Variants in TMEM230 observed in about 807,000 individuals in gnomAD.
TMEM230 encodes the protein UPF0414 transmembrane protein C20orf30.
In TMEM230, 10 loss-of-function variants were observed where a neutral mutation model predicts 15.8. That is an observed-to-expected ratio of 0.63 (90% CI 0.39 to 1.07). TMEM230 has a LOEUF of 1.07. Among genes scored for constraint, TMEM230 ranks in the 50% least tolerant of loss-of-function variants. TMEM230 has a pLI of 0.01. For missense variants in TMEM230, 165 were observed against 193.3 expected (o/e 0.85, Z 0.87); for synonymous variants, 67 against 76.9 (o/e 0.87, Z 0.68).
At chr20:5,106,426 G>T in intron 3 of TMEM230, 116 bp from the exon 3 acceptor site, 2 of 1,298,974 alleles carry the variant, frequency 1.5e-6, no homozygotes, top group East Asian at 2.7e-5. Flanking sequence ...GTTTTGAGAT[G>T]GAGTTTCGTT....
At chr20:5,064,684 T>C (rs937474941), downstream of TMEM230, among the ~76,000 whole-genome samples, 2 of 151,558 alleles carry the variant, frequency 1.3e-5, no homozygotes, top group African/African-American at 2.4e-5. Flanking sequence ...TTACTAAAGA[T>C]GAAAACAAAA....
At chr20:5,101,110 T>C (rs1234534665) in intron 4 of TMEM230, among the ~76,000 whole-genome samples, 179 bp from the exon 4 acceptor site, 1 of 152,170 alleles carries the variant, frequency 6.6e-6, no homozygotes, top group Non-Finnish European at 1.5e-5. Context: ...AACTACAAAA[T>C]ATTAACAATT....
At chr20:5,098,718 A>G (rs2089739335), downstream of TMEM230, among the ~76,000 whole-genome samples, 1 of 152,152 alleles carries the variant, frequency 6.6e-6, no homozygotes, top group African/African-American at 2.4e-5. Context: ...TACTAAATGC[A>G]TAGTATGAAA....
chr20:5,070,287 T>C (rs147033712), intron 3 of TMEM230, among the ~76,000 whole-genome samples: 1 of 152,192 alleles, frequency 6.6e-6, no homozygotes, highest in Non-Finnish European at 1.5e-5. Context: ...TGAGCCATCT[T>C]GTATTTGCAT....
downstream of TMEM230, among the ~76,000 whole-genome samples, chr20:5,099,224 A>C (rs549650630): frequency 1.3e-3 from 163 of 125,582 alleles, no homozygotes; most frequent in South Asian, 3.3e-3. Flanking sequence ...ATAAATAAAT[A>C]AATAAATAAA....
At chr20:5,096,509 C>T (rs1437312210), downstream of TMEM230, among the ~76,000 whole-genome samples, 3 of 152,096 alleles carry the variant, frequency 2.0e-5, no homozygotes, top group African/African-American at 7.2e-5. Flanking sequence ...GGTATAGGAC[C>T]CTTCAAAGGT....
intron 4 of TMEM230, among the ~76,000 whole-genome samples, chr20:5,105,685 G>A (rs2122774658): frequency 6.6e-6 from 1 of 152,254 alleles, no homozygotes; most frequent in South Asian, 2.1e-4. Context: ...ATGCATGGCT[G>A]TATCAAAATA....
At position 5,100,933 on chromosome 20, in the gene TMEM230, T is replaced by A; in HGVS notation, c.412-2A>T. On this transcript the variant is annotated splice_acceptor_variant, in intron 4 of 4. Transcript: ENST00000342308. LOFTEE classifies it high-confidence loss of function. Reference sequence around the variant, plus strand: ...CACTGGAACGGCCCGGTCTGCCCCCTGGTGGCAGAAGGAGGCAAACACATT... The same window carrying A: ...CACTGGAACGGCCCGGTCTGCCCCCAGGTGGCAGAAGGAGGCAAACACATT... The A allele has an allele frequency of 6.2e-7, 1 of 1,613,940 alleles. No individual in the cohort carries two copies. The highest frequency in any genetic ancestry group is 8.5e-7 in the Non-Finnish European group (1 of 1,179,942).
At chr20:5,065,034 T>C (rs531776252), downstream of TMEM230, among the ~76,000 whole-genome samples, 3 of 151,684 alleles carry the variant, frequency 2.0e-5, no homozygotes, top group Non-Finnish European at 4.4e-5. Flanking sequence ...CAAAAAGATA[T>C]CTTTTTTTTT....
intron 3 of TMEM230, among the ~76,000 whole-genome samples, chr20:5,084,024 G>A (rs1431474195): frequency 1.3e-5 from 2 of 152,076 alleles, no homozygotes; most frequent in African/African-American, 4.8e-5. Flanking sequence ...CCACCATCAA[G>A]TAGGCCTCGG....
chr20:5,097,969 A>ATTTT (rs5840073), downstream of TMEM230, among the ~76,000 whole-genome samples: 16 of 67,256 alleles, frequency 2.4e-4, 1 homozygote, highest in South Asian at 1.3e-3. Flanking sequence ...CTAACTCAGG[A>ATTTT]TTTTTTTTTT....
At chr20:5,086,085 G>T (rs6053095) in intron 3 of TMEM230, among the ~76,000 whole-genome samples, 82,513 of 151,828 alleles carry the variant, frequency 0.54, 22,932 homozygotes, top group East Asian at 0.84. Context: ...ATGTATTATA[G>T]TTCACAATGA....
intron 3 of TMEM230, among the ~76,000 whole-genome samples, chr20:5,083,998 A>G (rs953329429): frequency 6.6e-6 from 1 of 151,794 alleles, no homozygotes; most frequent in Non-Finnish European, 1.5e-5. Flanking sequence ...TTTGATCCTC[A>G]CCCTCCTCCC....
At chr20:5,084,041 C>T (rs1220422305) in intron 3 of TMEM230, among the ~76,000 whole-genome samples, 1 of 152,072 alleles carries the variant, frequency 6.6e-6, no homozygotes, top group Non-Finnish European at 1.5e-5. Context: ...TCGGTGTCAA[C>T]TGTTCCCTTC....
At chr20:5,069,752 T>A (rs6053071) in intron 3 of TMEM230, among the ~76,000 whole-genome samples, 3,409 of 152,002 alleles carry the variant, frequency 0.022, 115 homozygotes, top group African/African-American at 0.075. Flanking sequence ...CTCTGTTACC[T>A]AGGCTGGAGT....
chr20:5,086,195 CCAGCCTGGGCAA>C (rs1329947369), intron 3 of TMEM230, among the ~76,000 whole-genome samples: 1 of 146,908 alleles, frequency 6.8e-6, no homozygotes, highest in Non-Finnish European at 1.5e-5. Context: ...GAGTTTGAGA[CCAGCCTGGGCAA>C]CATAGTGAGA....
At chr20:5,065,675 G>A (rs115361710), downstream of TMEM230, among the ~76,000 whole-genome samples, 171 of 152,300 alleles carry the variant, frequency 1.1e-3, no homozygotes, top group African/African-American at 3.6e-3. Flanking sequence ...TGAGATAACC[G>A]GGTTAAGGCC....
At chr20:5,083,787 A>G (rs1304801295) in intron 3 of TMEM230, among the ~76,000 whole-genome samples, 5 of 152,152 alleles carry the variant, frequency 3.3e-5, no homozygotes, top group African/African-American at 1.2e-4. Context: ...TCTTTCTTCA[A>G]TGTTTAGTAG....
chr20:5,099,914 TA>T lies in TMEM230; in HGVS notation c.*876del, dbSNP rs1408093176. The T allele has an allele frequency of 1.0e-6, 1 of 984,254 alleles. No homozygotes were observed. Among genetic ancestry groups the T allele is most frequent in the African/African-American group, 1.7e-5 (1 of 57,230 alleles). 61.0% of individuals were successfully genotyped at this position (984,254 alleles called of 1,614,324 possible). A position where few individuals can be genotyped will look rare whatever the true frequency, so the allele number is the denominator to read the frequency against. On this transcript the variant is annotated 3_prime_UTR_variant, in exon 5 of 5. Coordinates refer to ENST00000342308, the MANE Select transcript of TMEM230 (RefSeq NM_001009923.2). ...TCAACATTTTAATTTCTTTGGAATA[TA>T]AGTCACTTTTTGCAAGCTAAAAAAT...
Sources: allele counts gnomAD v4.1 joint callset (sites outside exome capture counted in the v4.1 genomes callset), GRCh38; gene constraint gnomAD v4.1.1; transcripts MANE v1.5; gene names NCBI Gene and HGNC (gene_info 2026-07-23, HGNC 2026-07-21).